Variants in IGF1 observed in about 807,000 individuals in gnomAD.
The protein encoded by IGF1 is insulin-like growth factor 1.
In IGF1, 4 loss-of-function variants were observed where a neutral mutation model predicts 13.8. The ratio of observed to expected loss-of-function variants is 0.29; its 90% confidence interval spans 0.14 to 0.66. The LOEUF (loss-of-function observed/expected upper bound fraction) is 0.66. Among genes scored for constraint, IGF1 ranks in the 30% least tolerant of loss-of-function variants. The pLI, the probability that IGF1 is intolerant of heterozygous loss-of-function variation, is 0.78. For synonymous variants in IGF1, 76 were observed against 72.6 expected, an observed-to-expected ratio of 1.05 and a Z score of -0.23; for missense variants, 124 against 188.5, an observed-to-expected ratio of 0.66 and a Z score of 2.00.
chr12:102,452,086 C>T (rs1045190180), intron 2 of IGF1, among the ~76,000 whole-genome samples: 3 of 151,744 alleles, frequency 2.0e-5, no homozygotes, highest in African/African-American at 7.3e-5. Flanking sequence ...CACGGTGAAA[C>T]CCCGTCTCTA....
chr12:102,448,772 T>C (rs1250229707), intron 2 of IGF1, among the ~76,000 whole-genome samples: 4 of 147,672 alleles, frequency 2.7e-5, no homozygotes, highest in African/African-American at 5.0e-5. Flanking sequence ...AGAAGACGTA[T>C]ATGCAGCCAT....
chr12:102,425,696 C>T (rs758543909), intron 2 of IGF1, among the ~76,000 whole-genome samples: 18 of 152,090 alleles, frequency 1.2e-4, no homozygotes, highest in Non-Finnish European at 2.2e-4. Context: ...GTCCTAGGGG[C>T]GATAACAGCA....
At position 102,397,055 on chromosome 12, in the gene IGF1, A is replaced by C; in HGVS notation, c.*5452T>G. ...GTCTCTATTAAAAATCCAAAAAATT[A>C]GCCGGGCATAGTGGTGGGTGCCTGT... On this transcript the variant is annotated 3_prime_UTR_variant, in exon 4 of 4. Transcript: ENST00000337514. 2.7e-6 allele frequency: 1 copy of C among 367,868 alleles called. No homozygotes were observed. The highest frequency in any genetic ancestry group is 1.5e-4 in the South Asian group (1 of 6,712). The allele number at this position is 367,868 out of a possible 1,614,324, so 22.8% of individuals were successfully genotyped here.
chr12:102,443,003 A>G (rs1287400471), intron 2 of IGF1, among the ~76,000 whole-genome samples: 1 of 152,022 alleles, frequency 6.6e-6, no homozygotes, highest in Non-Finnish European at 1.5e-5. Flanking sequence ...AAAGCTCATT[A>G]AGTGATGCTA....
At chr12:102,433,891 A>G (rs1474176757) in intron 2 of IGF1, among the ~76,000 whole-genome samples, 3 of 152,174 alleles carry the variant, frequency 2.0e-5, no homozygotes, top group Non-Finnish European at 1.5e-5. Context: ...GTTAAGGCAC[A>G]AAGAGAGCTT....
chr12:102,446,954 A>G (rs1429703793), intron 2 of IGF1, among the ~76,000 whole-genome samples: 2 of 151,838 alleles, frequency 1.3e-5, no homozygotes, highest in African/African-American at 2.4e-5. Context: ...CTAAGAACTT[A>G]TTTATTTCTG....
intron 3 of IGF1, among the ~76,000 whole-genome samples, chr12:102,409,284 A>G (rs1185058953): frequency 6.6e-6 from 1 of 152,202 alleles, no homozygotes; most frequent in Non-Finnish European, 1.5e-5. Flanking sequence ...CTCTGGGTCT[A>G]CATTTGCTCA....
chr12:102,452,935 T>A (rs770547103), intron 2 of IGF1, among the ~76,000 whole-genome samples: 7 of 152,180 alleles, frequency 4.6e-5, no homozygotes, highest in Non-Finnish European at 1.0e-4. Context: ...TAGCAACACG[T>A]TGCACCCTGT....
At chr12:102,449,985 A>C (rs1399752593) in intron 2 of IGF1, among the ~76,000 whole-genome samples, 1 of 152,088 alleles carries the variant, frequency 6.6e-6, no homozygotes, top group Non-Finnish European at 1.5e-5. Flanking sequence ...GCGAGTTCTC[A>C]AGAAGTGCTC....
intron 1 of IGF1, among the ~76,000 whole-genome samples, chr12:102,477,289 C>A (rs1403389732): frequency 1.1e-3 from 165 of 147,840 alleles, no homozygotes; most frequent in African/African-American, 3.1e-3. Flanking sequence ...AAAAAAAAAA[C>A]CAAAACCCCT....
chr12:102,476,146 T>C (rs1428134799), intron 1 of IGF1, among the ~76,000 whole-genome samples: 2 of 152,176 alleles, frequency 1.3e-5, no homozygotes, highest in Non-Finnish European at 2.9e-5. Flanking sequence ...CCCATATCAC[T>C]CTGAGACCCT....
rs373918842 is a variant in IGF1 at position 102,416,885 on chromosome 12, T to C, written c.402+2624A>G. On this transcript the variant is annotated intron_variant, in intron 3 of 3. Transcript: ENST00000337514. Reference sequence around the variant, plus strand: ...AGAGTCTTTACAGAGATAATTAAGTTAAAATGAGGTCAGTGGGGTGGGCCC... The same window carrying C: ...AGAGTCTTTACAGAGATAATTAAGTCAAAATGAGGTCAGTGGGGTGGGCCC... Among the ~76,000 whole-genome samples, 10 of 152,262 alleles carry C rather than the reference T, an allele frequency of 6.6e-5. No homozygotes were observed. In the East Asian group the frequency reaches 1.2e-3, roughly 18 times the overall value.
At chr12:102,429,968 G>A (rs949971107) in intron 2 of IGF1, among the ~76,000 whole-genome samples, 1 of 152,120 alleles carries the variant, frequency 6.6e-6, no homozygotes, top group Non-Finnish European at 1.5e-5. Context: ...TTGAGAATAC[G>A]CAATGTGAGA....
intron 2 of IGF1, among the ~76,000 whole-genome samples, chr12:102,445,050 T>C (rs1200990138): frequency 6.6e-6 from 1 of 152,094 alleles, no homozygotes; most frequent in Non-Finnish European, 1.5e-5. Flanking sequence ...TGGTTGTAGA[T>C]GTGTAGCGTT....
At chr12:102,455,990 T>G (rs1405346026) in intron 2 of IGF1, among the ~76,000 whole-genome samples, 1 of 152,224 alleles carries the variant, frequency 6.6e-6, no homozygotes, top group Non-Finnish European at 1.5e-5. Flanking sequence ...CTTATGGCCC[T>G]TCCTCTACTG....
chr12:102,478,702 T>C (rs1881224039), intron 1 of IGF1: 1 of 1,276,258 alleles, frequency 7.8e-7, no homozygotes, highest in African/African-American at 1.5e-5. Context: ...AATGAACAAA[T>C]TGCACAGCTG....
rs1243930409 is a variant in IGF1 at position 102,398,310 on chromosome 12, A to AT, written c.*4196_*4197insA. On this transcript the variant is annotated 3_prime_UTR_variant, in exon 4 of 4. Coordinates refer to ENST00000337514, the MANE Select transcript of IGF1 (RefSeq NM_000618.5). ...GGGAGAATGTCTTCTATAAACCAGT[A>AT]AATGCCAAAGAATACCCAAGGGGGA... 6.6e-6 allele frequency: 1 copy of AT among 152,626 alleles called. No individual in the cohort carries two copies. Among genetic ancestry groups the AT allele is most frequent in the African/African-American group, 2.4e-5 (1 of 41,462 alleles). 9.5% of individuals were successfully genotyped at this position (152,626 alleles called of 1,614,324 possible).
At chr12:102,472,902 G>A (rs1880776069) in intron 2 of IGF1, among the ~76,000 whole-genome samples, 1 of 152,048 alleles carries the variant, frequency 6.6e-6, no homozygotes, top group Admixed American at 6.6e-5. Flanking sequence ...AATAAAAGCA[G>A]TTTTATTAAA....
At chr12:102,463,329 A>G (rs973833430) in intron 2 of IGF1, 2 of 152,236 alleles carry the variant, frequency 1.3e-5, no homozygotes, top group African/African-American at 4.8e-5. Context: ...ACTACGTAGG[A>G]AAATTTAAGC....
Sources: gnomAD v4.1 joint callset for allele counts (sites outside exome capture counted in the v4.1 genomes callset) on GRCh38, gnomAD v4.1.1 for gene constraint, MANE v1.5 for transcripts, NCBI Gene and HGNC (gene_info 2026-07-23, HGNC 2026-07-21) for gene names.